RHOT2: variants seen among roughly 807,000 people sequenced by gnomAD.
RHOT2 encodes the protein ras homolog family member T2.
In RHOT2, 90 loss-of-function variants were observed where a neutral mutation model predicts 81.6. That is an observed-to-expected ratio of 1.10 (90% CI 0.93 to 1.31). The LOEUF (loss-of-function observed/expected upper bound fraction) is 1.31. Ranked by LOEUF, RHOT2 falls within the 40% of genes most tolerant of loss-of-function variation. RHOT2 has a pLI of 0.00. For synonymous variants in RHOT2, 512 were observed against 370.9 expected (o/e 1.38, Z -4.37); for missense variants, 1,014 against 841.9 (o/e 1.20, Z -2.53).
intron 5 of RHOT2, 64 bp downstream of exon 5, chr16:669,670 T>G: frequency 6.5e-7 from 1 of 1,542,094 alleles, no homozygotes; most frequent in Non-Finnish European, 8.9e-7. Flanking sequence ...CAGGTGGACC[T>G]TCACCCAACC....
At chr16:668,965 C>T (rs1268646263) in intron 4 of RHOT2, 6 of 527,068 alleles carry the variant, frequency 1.1e-5, no homozygotes, top group African/African-American at 2.0e-5. Flanking sequence ...TTTGCTCTTC[C>T]TGTGGGCTCT....
intron 7 of RHOT2, 41 bp from the exon 8 acceptor site, chr16:670,415 C>T (rs765655706): frequency 2.5e-6 from 4 of 1,607,696 alleles, no homozygotes; most frequent in African/African-American, 1.3e-5. Context: ...AGTCGGTGCC[C>T]TCCTCGGGGC....
In RHOT2 at chr16:671,093, C is replaced by T. The variant is rs758485250; in HGVS notation, c.759C>T (p.Phe253=). The change falls in exon 11 of 19, where the codon TTC becomes TTT. Residue 253 remains phenylalanine, a synonymous_variant. Transcript: ENST00000315082. ...EDRLTLDGFL[F]LNTLFIQRGR... ...TTTGTCTCGGTGCAGGTTTCCTCTTCCTGAACACGCTCTTCATCCAGCGCG... is the reference window on the plus strand; with the variant it reads ...TTTGTCTCGGTGCAGGTTTCCTCTTTCTGAACACGCTCTTCATCCAGCGCG... The T allele has an allele frequency of 5.6e-6, 9 of 1,609,120 alleles. No individual in the cohort carries two copies. Among genetic ancestry groups the T allele is most frequent in the African/African-American group, 1.3e-5 (1 of 74,892 alleles).
Position 671,869 on chromosome 16 carries a change from G to C in RHOT2, c.964G>C (p.Gly322Arg), listed in dbSNP as rs772518069. 7.3e-7 allele frequency: 1 copy of C among 1,364,648 alleles called. No individual in the cohort carries two copies. The highest frequency in any genetic ancestry group is 1.7e-5 in the African/African-American group (1 of 59,782). The allele number at this position is 1,364,648 out of a possible 1,614,324, so 84.5% of individuals were successfully genotyped here. The change falls in exon 13 of 19, where the codon GGC becomes CGC. Residue 322 changes from glycine to arginine, a missense_variant. By Grantham distance (125) the Gly-to-Arg change is moderately radical. Coordinates refer to ENST00000315082, the MANE Select transcript of RHOT2 (RefSeq NM_138769.3). ...ATCCCTCCTTCTGCAGGACCGCGAC[G>C]GCGCCCTCTCGCCCGTGGAGCTGCA... is the stretch of plus-strand genomic sequence containing the variant. ...VFEKHDQDRDGALSPVELQSL... is the reference protein window; with the variant it reads ...VFEKHDQDRDRALSPVELQSL...
chr16:669,169 G>A, intron 4 of RHOT2: 1 of 396,582 alleles, frequency 2.5e-6, no homozygotes, highest in South Asian at 3.0e-5. Flanking sequence ...GAGGGGGGAG[G>A]CAGGGGCCAA....
Position 674,030 on chromosome 16 carries a change from C to T in RHOT2, c.*424C>T, listed in dbSNP as rs188909419. ...GGCAGAGCTTTGGGCCAAAAGCAGG[C>T]GTTGGGGGGTCCCCCCTCAAGTTTG... On this transcript the variant is annotated 3_prime_UTR_variant, in exon 19 of 19. Transcript: ENST00000315082. 4.2e-3 allele frequency: 1,254 copies of T among 302,148 alleles called. 7 individuals carry two copies. The highest frequency in any genetic ancestry group is 4.9e-3 in the South Asian group (178 of 36,436). The allele number at this position is 302,148 out of a possible 1,614,324, so 18.7% of individuals were successfully genotyped here.
intron 4 of RHOT2, 173 bp from the exon 5 acceptor site, chr16:669,380 C>A: frequency 1.5e-6 from 1 of 645,988 alleles, no homozygotes; most frequent in Non-Finnish European, 2.8e-6. Flanking sequence ...TCTGCCAACA[C>A]CAGGCTGGAG....
In RHOT2 at chr16:668,662, A is replaced by G. The variant is rs562457010; in HGVS notation, c.185A>G (p.Glu62Gly). The change falls in exon 4 of 19, where the codon GAG (glutamate) becomes GGG (glycine). Residue 62 changes from glutamate (E) to glycine (G), a missense_variant. Glu to Gly is a moderately conservative substitution (Grantham distance 98). Coordinates refer to ENST00000315082, the MANE Select transcript of RHOT2 (RefSeq NM_138769.3). The stretch of plus-strand genomic sequence containing the variant: ...AGTCTCTTTGTCCCCCTAGAAGCCG[A>G]GCAGACGGACGAGGAGCTGCGGGAG... ...PTHIVDYSEA[E>G]QTDEELREEI... 2 of 1,605,210 alleles carry G rather than the reference A, an allele frequency of 1.2e-6. No individual in the cohort carries two copies. The highest frequency in any genetic ancestry group is 2.7e-5 in the African/African-American group (2 of 74,096).
chr16:671,251 C>G, intron 11 of RHOT2, 48 bp downstream of exon 11: 1 of 1,511,354 alleles, frequency 6.6e-7, no homozygotes, highest in East Asian at 2.3e-5. Flanking sequence ...GGGTCAGGAG[C>G]TGACTGCCGA....
Position 671,707 on chromosome 16 carries a change from C to T in RHOT2, c.880C>T (p.Pro294Ser), listed in dbSNP as rs79934819. The change falls in exon 12 of 19, where the codon CCC (proline) becomes TCC (serine). Residue 294 changes from proline to serine, a missense_variant. Coordinates refer to ENST00000315082, the MANE Select transcript of RHOT2 (RefSeq NM_138769.3). ...GTGGCCTCCCTGCAGGATCCACGTG[C>T]CCCCCGGCTGCAGCACGGAGCTCAA... ...ADYLSPLIHVPPGCSTELNHL... is the reference protein window; with the variant it reads ...ADYLSPLIHVSPGCSTELNHL... The T allele has an allele frequency of 4.3e-6, 7 of 1,611,762 alleles. No homozygotes were observed. Among genetic ancestry groups the T allele is most frequent in the South Asian group, 3.3e-5 (3 of 91,044 alleles).
chr16:672,048 A>G, intron 13 of RHOT2, 36 bp from the exon 14 acceptor site: 1 of 1,610,144 alleles, frequency 6.2e-7, no homozygotes, highest in Non-Finnish European at 8.5e-7. Context: ...CACCCTCCCC[A>G]CCATAACACT....
In RHOT2 at chr16:672,364, T is replaced by C. The variant is rs761552315; in HGVS notation, c.1306T>C (p.Phe436Leu). 5 of 1,610,816 alleles carry C rather than the reference T, an allele frequency of 3.1e-6. No individual in the cohort carries two copies. The African/African-American group carries it at 4.0e-5, about 13-fold the overall frequency. Reference protein sequence around the residue: ...GVGKSAFLQAFLGRGLGHQDT... With the variant: ...GVGKSAFLQALLGRGLGHQDT... ...GGGCAAGTCTGCCTTCCTGCAGGCC[T>C]TTCTCGGCCGCGGCCTGGGGGTAAG... The change falls in exon 15 of 19, where the codon TTT becomes CTT. Residue 436 changes from phenylalanine to leucine, a missense_variant. Transcript: ENST00000315082.
At chr16:671,350 G>A (rs961619956) in intron 11 of RHOT2, 147 bp downstream of exon 11, 9 of 1,238,864 alleles carry the variant, frequency 7.3e-6, no homozygotes, top group Non-Finnish European at 9.9e-6. Flanking sequence ...GCCATCTGGG[G>A]TCGTGCCCTT....
rs376099799 is a variant in RHOT2, at chr16:671,166, G to A, written c.832G>A (p.Asp278Asn). The change falls in exon 11 of 19, where the codon GAT becomes AAT. Residue 278 changes from aspartate to asparagine, a missense_variant. By Grantham distance (23) the Asp-to-Asn change is conservative. Coordinates refer to ENST00000315082, the MANE Select transcript of RHOT2 (RefSeq NM_138769.3). Reference protein sequence around the residue: ...WTILRRFGYSDALELTADYLS... With the variant: ...WTILRRFGYSNALELTADYLS... The stretch of plus-strand genomic sequence containing the variant: ...CATCCTGCGGCGCTTCGGCTACAGC[G>A]ATGCCCTGGAGCTGACTGCGGACTA... 74 of 1,589,334 alleles carry A rather than the reference G, an allele frequency of 4.7e-5. No individual in the cohort carries two copies. Among genetic ancestry groups the A allele is most frequent in the Non-Finnish European group, 5.6e-5 (65 of 1,168,202 alleles).
In RHOT2 at chr16:670,337, G is replaced by C; in HGVS notation, c.418G>C (p.Glu140Gln). 6.2e-7 allele frequency: 1 copy of C among 1,612,848 alleles called. No homozygotes were observed. Among genetic ancestry groups the C allele is most frequent in the Non-Finnish European group, 8.5e-7 (1 of 1,179,958 alleles). Reference sequence around the variant, plus strand: ...GCTCCCCATCATGAGCCAGTTTCCCGAGATTGAGACCTGCGTGGAGGTGAG... The same window carrying C: ...GCTCCCCATCATGAGCCAGTTTCCCCAGATTGAGACCTGCGTGGAGGTGAG... ...AVLPIMSQFPEIETCVECSAK... is the reference protein window; with the variant it reads ...AVLPIMSQFPQIETCVECSAK... The change falls in exon 7 of 19, where the codon GAG becomes CAG. Residue 140 changes from glutamate to glutamine, a missense_variant. By Grantham distance (29) the Glu-to-Gln change is conservative. Transcript: ENST00000315082.
chr16:673,368 G>T, intron 18 of RHOT2, 112 bp from the exon 19 acceptor site: 1 of 1,520,992 alleles, frequency 6.6e-7, no homozygotes, highest in East Asian at 2.2e-5. Flanking sequence ...TGTGCCTCTG[G>T]TCTGGGATCC....
intron 11 of RHOT2, 193 bp downstream of exon 11, chr16:671,396 A>C: frequency 4.9e-6 from 2 of 411,040 alleles, no homozygotes; most frequent in Non-Finnish European, 8.5e-6. Flanking sequence ...GCATCCACAG[A>C]GCTCTGAGTC....
chr16:670,754 A>G lies in RHOT2; in HGVS notation c.620A>G (p.Glu207Gly). 2 of 1,612,282 alleles carry G rather than the reference A, an allele frequency of 1.2e-6. No individual in the cohort carries two copies. Among genetic ancestry groups the G allele is most frequent in the Non-Finnish European group, 1.7e-6 (2 of 1,179,910 alleles). ...GACCTGGACCAGGCGCTCAGTGACG[A>G]AGAGCTCAACGCTTTCCAGGTGTGC... Reference protein sequence around the residue: ...DQDLDQALSDEELNAFQKSCF... With the variant: ...DQDLDQALSDGELNAFQKSCF... The change falls in exon 9 of 19, where the codon GAA becomes GGA. Residue 207 changes from glutamate to glycine, a missense_variant. Coordinates refer to ENST00000315082, the MANE Select transcript of RHOT2 (RefSeq NM_138769.3).
chr16:670,450 T>A lies in RHOT2; in HGVS notation c.439-6T>A. ...CACTTCCCTGAGGCTGTTCCCACTTTCCCAGTGTTCGGCCAAGAACCTGAG... is the reference window on the plus strand; with the variant it reads ...CACTTCCCTGAGGCTGTTCCCACTTACCCAGTGTTCGGCCAAGAACCTGAG... On this transcript the variant is annotated splice_region_variant and splice_polypyrimidine_tract_variant and intron_variant, in intron 7 of 18. Transcript: ENST00000315082. 1 of 1,605,654 alleles carries A rather than the reference T, an allele frequency of 6.2e-7. No homozygotes were observed. The highest frequency in any genetic ancestry group is 1.7e-5 in the Admixed American group (1 of 59,286).
Sources: allele counts gnomAD v4.1 joint callset, GRCh38; gene constraint gnomAD v4.1.1; transcripts MANE v1.5; gene names NCBI Gene and HGNC (gene_info 2026-07-23, HGNC 2026-07-21).